Variants in GGT1 observed in about 807,000 individuals in gnomAD.
GGT1 encodes glutathione hydrolase 1 proenzyme.
In GGT1, 21 loss-of-function variants were observed where a neutral mutation model predicts 56.0. The observed-to-expected ratio is 0.38, with a 90% CI of 0.27 to 0.54. The LOEUF (loss-of-function observed/expected upper bound fraction) is 0.54, where lower values mean the gene tolerates loss of function less well. Among genes scored for constraint, GGT1 ranks in the 20% least tolerant of loss-of-function variants. The pLI, the probability that GGT1 is intolerant of heterozygous loss-of-function variation, is 0.82. For missense variants in GGT1, 466 were observed against 787.0 expected (o/e 0.59, Z 4.88); for synonymous variants, 238 against 342.6 (o/e 0.69, Z 3.37).
At chr22:24,614,338 G>T (rs1378389537) in intron 5 of GGT1, among the ~76,000 whole-genome samples, 1 of 84,098 alleles carries the variant, frequency 1.2e-5, no homozygotes, top group Non-Finnish European at 2.0e-5. Context: ...AACAAAGAGA[G>T]ACTTTGTCTC....
rs868632361 is a variant in GGT1, at chr22:24,605,228, T to C, written c.-429+1701T>C. On this transcript the variant is annotated intron_variant, in intron 1 of 15. Transcript: ENST00000400382. ...GTATTATATTATATATTATATAATA[T>C]GTATTATATTATATATTATATAATA... is the stretch of plus-strand genomic sequence containing the variant. Among the ~76,000 whole-genome samples the C allele has an allele frequency of 1.1e-3, 56 of 49,532 alleles. 3 individuals carry two copies. The highest frequency in any genetic ancestry group is 6.9e-3 in the East Asian group (11 of 1,604). The allele number at this position is 49,532 out of a possible 152,430, so 32.5% of individuals were successfully genotyped here.
At chr22:24,622,039 CAA>C (rs1057143634) in intron 9 of GGT1, among the ~76,000 whole-genome samples, 7 of 105,678 alleles carry the variant, frequency 6.6e-5, no homozygotes, top group Non-Finnish European at 5.9e-5. Context: ...GATTCCATCT[CAA>C]AAAAAAAAAA....
At chr22:24,624,097 C>T (rs971281740) in intron 11 of GGT1, 181 bp downstream of exon 11, 2 of 985,304 alleles carry the variant, frequency 2.0e-6, no homozygotes, top group African/African-American at 3.5e-5. Context: ...TTGGCTTCTG[C>T]CGCACAGAAC....
At chr22:24,584,835 T>G in the GGT1 span, among the ~76,000 whole-genome samples, 1 of 151,890 alleles carries the variant, frequency 6.6e-6, no homozygotes, top group Non-Finnish European at 1.5e-5. Flanking sequence ...TGTCTTCTGG[T>G]TGGGCTGAAC....
At chr22:24,585,716 G>C in the GGT1 span, 2 of 765,160 alleles carry the variant, frequency 2.6e-6, no homozygotes, top group Non-Finnish European at 4.1e-6. Context: ...CCTCTAGCCA[G>C]GGCTGGCCAC....
chr22:24,624,240 G>A, intron 11 of GGT1: 1 of 976,238 alleles, frequency 1.0e-6, no homozygotes, highest in Non-Finnish European at 1.2e-6. Context: ...AGATGGATGG[G>A]TGAAAGGGAG....
At position 24,620,453 on chromosome 22, in the gene GGT1, G is replaced by A. The variant is rs769479616; in HGVS notation, c.508G>A (p.Val170Met). 6.8e-6 allele frequency: 11 copies of A among 1,611,832 alleles called. No individual in the cohort carries two copies. Among genetic ancestry groups the A allele is most frequent in the Admixed American group, 1.7e-5 (1 of 60,020 alleles). Residue 170 changes from valine to methionine, a missense_variant, in exon 8 of 16, where the codon GTG (valine) becomes ATG (methionine). Physicochemically the swap from Val to Met is conservative, Grantham distance 21. Transcript: ENST00000400382. The surrounding 1 kb of genome is among the most constrained non-coding windows in gnomAD (Gnocchi z 5.6). ...SIQLARQGFP[V>M]GKGLAAALEN... is the part of the protein sequence containing the mutation. ...CCAGCTGGCCCGCCAGGGCTTCCCC[G>A]TGGGCAAGGGCTTGGCGGCAGCCCT... is the stretch of plus-strand genomic sequence containing the variant.
upstream of GGT1, among the ~76,000 whole-genome samples, chr22:24,600,519 G>A (rs765339341): frequency 6.6e-6 from 1 of 152,230 alleles, no homozygotes; most frequent in Non-Finnish European, 1.5e-5. Flanking sequence ...AAGGGCCCAC[G>A]CACTTGGCCA....
intron 1 of GGT1, among the ~76,000 whole-genome samples, chr22:24,596,332 G>A (rs1035591127): frequency 1.3e-5 from 2 of 152,180 alleles, no homozygotes; most frequent in African/African-American, 4.8e-5. Context: ...AGGACTCCAG[G>A]GGAAGATCCT....
chr22:24,604,262 A>T (rs5751904), intron 1 of GGT1, among the ~76,000 whole-genome samples: 56,189 of 151,718 alleles, frequency 0.37, 10,517 homozygotes, highest in Middle Eastern at 0.52. Context: ...GACCTCGTAA[A>T]ATCCCTTTTG....
upstream of GGT1, among the ~76,000 whole-genome samples, chr22:24,590,928 A>C (rs2045550385): frequency 6.7e-6 from 1 of 149,014 alleles, no homozygotes; most frequent in Non-Finnish European, 1.5e-5. Flanking sequence ...TCTCCCCACC[A>C]CTCCTGCCAA....
upstream of GGT1, among the ~76,000 whole-genome samples, chr22:24,590,622 C>T (rs1292027738): frequency 2.6e-5 from 4 of 152,100 alleles, no homozygotes. Flanking sequence ...CCCTCAAATT[C>T]CCCTGTCCCC....
At chr22:24,611,337 T>A in intron 5 of GGT1, 92 bp downstream of exon 5, 1 of 812,766 alleles carries the variant, frequency 1.2e-6, no homozygotes, top group Admixed American at 2.0e-5. Flanking sequence ...AGTTTCCCCA[T>A]GTGTAAGCTT....
upstream of GGT1, among the ~76,000 whole-genome samples, chr22:24,594,560 A>C (rs926821789): frequency 6.6e-6 from 1 of 152,076 alleles, no homozygotes; most frequent in African/African-American, 2.4e-5. Flanking sequence ...GACAAGGCAG[A>C]GGACAGCAGG....
At chr22:24,589,657 A>C in the GGT1 span, 2 of 805,174 alleles carry the variant, frequency 2.5e-6, no homozygotes, top group Non-Finnish European at 3.7e-6. Context: ...TGGCCAGCCT[A>C]ATATACTGAT....
chr22:24,585,135 A>G, the GGT1 span, among the ~76,000 whole-genome samples: 1 of 152,154 alleles, frequency 6.6e-6, no homozygotes, highest in Non-Finnish European at 1.5e-5. Context: ...CTCGCCAAGT[A>G]CAAGAGGCCT....
At chr22:24,603,694 T>A (rs1485533809) in intron 1 of GGT1, among the ~76,000 whole-genome samples, 167 bp downstream of exon 1, 1 of 152,004 alleles carries the variant, frequency 6.6e-6, no homozygotes, top group Non-Finnish European at 1.5e-5. Context: ...CCGTGGCTTC[T>A]TGGAATTAAG....
At chr22:24,599,868 A>G (rs1021095461), upstream of GGT1, among the ~76,000 whole-genome samples, 2 of 152,196 alleles carry the variant, frequency 1.3e-5, no homozygotes, top group Non-Finnish European at 2.9e-5. Flanking sequence ...AGTGCTGCGC[A>G]GTTTTGGCAT....
intron 9 of GGT1, 65 bp from the exon 10 acceptor site, chr22:24,623,042 C>T: frequency 1.2e-6 from 2 of 1,606,506 alleles, no homozygotes; most frequent in Non-Finnish European, 1.7e-6. Context: ...ACTGCTGCAG[C>T]TCCATCCTCC....
Sources: allele counts gnomAD v4.1 joint callset (sites outside exome capture counted in the v4.1 genomes callset), GRCh38; gene constraint gnomAD v4.1.1; non-coding constraint Gnocchi (gnomAD v3.1); transcripts MANE v1.5; gene names NCBI Gene and HGNC (gene_info 2026-07-23, HGNC 2026-07-21).